The following MBD5 variants were observed in gnomAD, a reference collection of about 807,000 sequenced individuals.
MBD5 encodes the protein methyl-CpG-binding domain protein 5.
Under a neutral mutation model 117.3 loss-of-function variants are expected in MBD5, and 13 were observed. The ratio of observed to expected loss-of-function variants is 0.11; its 90% CI spans 0.07 to 0.18. The LOEUF is 0.18. Ranked by LOEUF, MBD5 falls within the 10% of genes least tolerant of loss-of-function variation. The pLI is 1.00. For synonymous variants in MBD5, 727 were observed against 766.4 expected (o/e 0.95, Z 0.85); for missense variants, 1,879 against 2,093.8 (o/e 0.90, Z 2.00).
At chr2:148,356,119 CT>C in intron 4 of MBD5, among the ~76,000 whole-genome samples, 1 of 152,022 alleles carries the variant, frequency 6.6e-6, no homozygotes, top group Non-Finnish European at 1.5e-5. Flanking sequence ...TGGCTCTTTG[CT>C]TGTCTGTTAT....
intron 4 of MBD5, among the ~76,000 whole-genome samples, chr2:148,352,755 G>A (rs573605109): frequency 4.7e-4 from 71 of 152,120 alleles, no homozygotes; most frequent in Non-Finnish European, 9.1e-4. Context: ...CTTATGGAAT[G>A]CTTGGAACCA....
chr2:148,180,786 A>G (rs1180908591), intron 2 of MBD5, among the ~76,000 whole-genome samples: 1 of 152,036 alleles, frequency 6.6e-6, no homozygotes, highest in Non-Finnish European at 1.5e-5. Flanking sequence ...GGTTCATGCA[A>G]AGCACTTCTT....
At chr2:148,208,770 C>T (rs988518530) in intron 2 of MBD5, among the ~76,000 whole-genome samples, 1 of 151,046 alleles carries the variant, frequency 6.6e-6, no homozygotes, top group African/African-American at 2.4e-5. Flanking sequence ...CCCAGCTTTT[C>T]TCTTCAACTA....
Position 148,306,416 on chromosome 2 carries a change from A to G in MBD5, c.-679-35798A>G, listed in dbSNP as rs184808487. Among the ~76,000 whole-genome samples the G allele has an allele frequency of 7.2e-5, 11 of 152,292 alleles. No homozygotes were observed. The East Asian group carries it at 1.7e-3, about 24-fold the overall frequency. ...AGTCAAAGCCTTGGTAATGTAATCA[A>G]TGTTTCCAGCTCTGTCCTGCTATAA... is the stretch of plus-strand genomic sequence containing the variant. On this transcript the variant is annotated intron_variant, in intron 3 of 13. Transcript: ENST00000642680.
Position 148,334,463 on chromosome 2 carries a change from G to A in MBD5, c.-679-7751G>A, listed in dbSNP as rs1702736527. 2.6e-5 allele frequency among the ~76,000 whole-genome samples: 4 copies of A among 151,914 alleles called. No individual in the cohort carries two copies. The South Asian group carries it at 8.3e-4, about 32-fold the overall frequency. On this transcript the variant is annotated intron_variant, in intron 3 of 13. Transcript: ENST00000642680. ...TCCTCCTGCCTTAGTCCCCCAAGCA[G>A]TTGAGACTACATGTGTGCGCCACTA...
chr2:148,312,911 T>C (rs1304736529), intron 3 of MBD5, among the ~76,000 whole-genome samples: 3 of 152,222 alleles, frequency 2.0e-5, no homozygotes, highest in Non-Finnish European at 2.9e-5. Flanking sequence ...CAGGCTCCTC[T>C]GCTGCAGGTC....
At chr2:148,162,532 T>C (rs1698031048) in intron 1 of MBD5, among the ~76,000 whole-genome samples, 1 of 152,304 alleles carries the variant, frequency 6.6e-6, no homozygotes, top group African/African-American at 2.4e-5. Context: ...TTATTTGAGA[T>C]TTAAAATATT....
chr2:148,236,310 TG>T (rs1700091435), intron 3 of MBD5, among the ~76,000 whole-genome samples: 1 of 152,062 alleles, frequency 6.6e-6, no homozygotes, highest in Non-Finnish European at 1.5e-5. Flanking sequence ...TATTTGTATT[TG>T]TAAGGCAGAT....
At chr2:148,173,609 C>G (rs1698315934) in intron 1 of MBD5, among the ~76,000 whole-genome samples, 1 of 152,124 alleles carries the variant, frequency 6.6e-6, no homozygotes, top group African/African-American at 2.4e-5. Context: ...AAGTGACACC[C>G]CAAGGATCCC....
intron 3 of MBD5, among the ~76,000 whole-genome samples, chr2:148,237,542 G>A (rs1700117627): frequency 6.6e-6 from 1 of 152,148 alleles, no homozygotes; most frequent in Non-Finnish European, 1.5e-5. Flanking sequence ...AGTTAAGTGT[G>A]CTCTCTTATG....
intron 1 of MBD5, among the ~76,000 whole-genome samples, chr2:148,047,164 A>G (rs1319268546): frequency 1.3e-5 from 2 of 151,984 alleles, no homozygotes; most frequent in Admixed American, 6.6e-5. Flanking sequence ...GCCATCCTCA[A>G]TTTTCCCCTT....
At chr2:148,479,720 G>GTA (rs1681085960) in intron 8 of MBD5, among the ~76,000 whole-genome samples, 1 of 142,344 alleles carries the variant, frequency 7.0e-6, no homozygotes, top group African/African-American at 2.6e-5. Flanking sequence ...TGTCTTTGTT[G>GTA]TTTTTTTTTT....
intron 5 of MBD5, among the ~76,000 whole-genome samples, chr2:148,460,694 A>T (rs1707041210): frequency 6.6e-6 from 1 of 152,192 alleles, no homozygotes; most frequent in African/African-American, 2.4e-5. Context: ...TTACTCTGAG[A>T]AATTAATTAA....
chr2:148,253,927 C>T (rs1272989677), intron 3 of MBD5, among the ~76,000 whole-genome samples: 1 of 152,204 alleles, frequency 6.6e-6, no homozygotes, highest in Non-Finnish European at 1.5e-5. Context: ...CTGAGTCATG[C>T]TGCGCTGGAA....
chr2:148,078,063 A>G (rs1483249697), intron 1 of MBD5, among the ~76,000 whole-genome samples: 1 of 152,174 alleles, frequency 6.6e-6, no homozygotes, highest in Non-Finnish European at 1.5e-5. Flanking sequence ...GGTAAAGGAC[A>G]TTTCCTATGC....
At chr2:148,089,725 C>A (rs1239118107) in intron 1 of MBD5, among the ~76,000 whole-genome samples, 2 of 152,014 alleles carry the variant, frequency 1.3e-5, no homozygotes, top group East Asian at 3.9e-4. Context: ...GCATTAAATG[C>A]CTACATGAAA....
intron 3 of MBD5, among the ~76,000 whole-genome samples, chr2:148,283,509 C>T (rs1467546069): frequency 6.6e-6 from 1 of 152,128 alleles, no homozygotes; most frequent in Non-Finnish European, 1.5e-5. Flanking sequence ...AAATAGGCAG[C>T]CTAATTTTAG....
chr2:148,079,935 C>A (rs889019843), intron 1 of MBD5, among the ~76,000 whole-genome samples: 3 of 152,016 alleles, frequency 2.0e-5, no homozygotes, highest in African/African-American at 7.2e-5. Flanking sequence ...TCCATAAAGT[C>A]CAGAACCTCA....
intron 12 of MBD5, among the ~76,000 whole-genome samples, chr2:148,508,923 T>C (rs1682127791): frequency 6.6e-6 from 1 of 152,198 alleles, no homozygotes; most frequent in Non-Finnish European, 1.5e-5. Flanking sequence ...ACTCAATGTA[T>C]GCATTGTCCA....
Sources: gnomAD v4.1 joint callset for allele counts (sites outside exome capture counted in the v4.1 genomes callset) on GRCh38, gnomAD v4.1.1 for gene constraint, MANE v1.5 for transcripts, NCBI Gene and HGNC (gene_info 2026-07-23, HGNC 2026-07-21) for gene names.